The following CRPPA variants were observed in gnomAD, a reference collection of about 807,000 sequenced individuals.
CRPPA encodes the protein CDP-L-ribitol pyrophosphorylase A, also known as D-ribitol-5-phosphate cytidylyltransferase.
Under a neutral mutation model 52.0 loss-of-function variants are expected in CRPPA, and 43 were observed. That is an observed-to-expected ratio of 0.83 (90% CI 0.65 to 1.07). The LOEUF (loss-of-function observed/expected upper bound fraction) is 1.07, where lower values mean the gene tolerates loss of function less well. Ranked by LOEUF, CRPPA falls within the 50% of genes least tolerant of loss-of-function variation. The pLI is 0.00. For synonymous variants in CRPPA, 250 were observed against 203.5 expected (o/e 1.23, Z -1.94); for missense variants, 629 against 551.7 (o/e 1.14, Z -1.40).
chr7:16,104,273 C>G (rs1490575797), intron 9 of CRPPA, among the ~76,000 whole-genome samples: 1 of 152,146 alleles, frequency 6.6e-6, no homozygotes, highest in African/African-American at 2.4e-5. Flanking sequence ...TGGCAAAGCT[C>G]CCTCCCAGAA....
intron 9 of CRPPA, among the ~76,000 whole-genome samples, chr7:16,138,600 A>T (rs549022444): frequency 8.5e-5 from 13 of 152,318 alleles, no homozygotes; most frequent in African/African-American, 2.9e-4. Context: ...GCATAAAAAC[A>T]GGGAAAAAAT....
intron 9 of CRPPA, among the ~76,000 whole-genome samples, chr7:16,184,807 TTTTG>T (rs567048209): frequency 1.1e-3 from 172 of 152,334 alleles, no homozygotes; most frequent in African/African-American, 3.8e-3. Context: ...TTTGGTATAA[TTTTG>T]TTTGTTTATT....
intron 9 of CRPPA, among the ~76,000 whole-genome samples, chr7:16,214,216 T>C (rs1782240798): frequency 6.6e-6 from 1 of 152,182 alleles, no homozygotes; most frequent in Non-Finnish European, 1.5e-5. Context: ...AAAATTATTG[T>C]TTATGTGAAA....
At chr7:16,172,592 A>C (rs1781211921) in intron 9 of CRPPA, among the ~76,000 whole-genome samples, 1 of 152,198 alleles carries the variant, frequency 6.6e-6, no homozygotes, top group African/African-American at 2.4e-5. Flanking sequence ...TACATGAATA[A>C]AGACTTCTTA....
chr7:16,323,063 C>T (rs562290355), intron 3 of CRPPA, among the ~76,000 whole-genome samples: 64 of 152,124 alleles, frequency 4.2e-4, no homozygotes, highest in African/African-American at 1.4e-3. Flanking sequence ...CACCTGGTAC[C>T]GGCCTTGATA....
chr7:16,093,475 A>G (rs748203745), intron 9 of CRPPA, among the ~76,000 whole-genome samples: 21 of 152,166 alleles, frequency 1.4e-4, no homozygotes, highest in Admixed American at 2.0e-4. Flanking sequence ...GTGAGAGGCC[A>G]TCTCTGCTTA....
chr7:16,376,000 C>A, intron 3 of CRPPA, 92 bp downstream of exon 3: 1 of 1,224,916 alleles, frequency 8.2e-7, no homozygotes. Context: ...ACTATACGCT[C>A]AGTCCCATCA....
intron 9 of CRPPA, among the ~76,000 whole-genome samples, chr7:16,163,365 T>G (rs1162484036): frequency 2.6e-5 from 4 of 152,114 alleles, no homozygotes; most frequent in African/African-American, 9.7e-5. Flanking sequence ...TTCCATTTGC[T>G]TGGTAAATAT....
intron 9 of CRPPA, among the ~76,000 whole-genome samples, chr7:16,116,378 T>C (rs1019192123): frequency 3.9e-4 from 60 of 152,150 alleles, no homozygotes; most frequent in African/African-American, 1.3e-3. Context: ...AAAGAAAGAA[T>C]GAGTGGTCGG....
rs528868771 is a variant in CRPPA at position 16,281,767 on chromosome 7, G to C, written c.836-3541C>G. ...TAATAAAAATTCAGTATCTTAAATT[G>C]ATGAATGATTATTCACATTCTCTAT... On this transcript the variant is annotated intron_variant, in intron 5 of 9. Transcript: ENST00000407010. Among the ~76,000 whole-genome samples the C allele has an allele frequency of 2.6e-5, 4 of 152,256 alleles. No homozygotes were observed. The East Asian group carries it at 7.7e-4, about 29-fold the overall frequency.
chr7:16,327,091 G>C (rs1269615497), intron 3 of CRPPA, among the ~76,000 whole-genome samples: 1 of 152,036 alleles, frequency 6.6e-6, no homozygotes, highest in African/African-American at 2.4e-5. Flanking sequence ...TTTTCCCCAG[G>C]AGAGTAAAAA....
chr7:16,331,818 G>A (rs1785558794), intron 3 of CRPPA, among the ~76,000 whole-genome samples: 1 of 151,958 alleles, frequency 6.6e-6, no homozygotes, highest in African/African-American at 2.4e-5. Context: ...AGATAATGAA[G>A]ACCAAAAAAT....
chr7:16,333,693 G>A (rs1235016174), intron 3 of CRPPA, among the ~76,000 whole-genome samples: 1 of 152,116 alleles, frequency 6.6e-6, no homozygotes, highest in East Asian at 1.9e-4. Flanking sequence ...TAAAATGGAT[G>A]TAATGGATCT....
At chr7:16,336,834 A>G (rs1164589465) in intron 3 of CRPPA, among the ~76,000 whole-genome samples, 2 of 152,154 alleles carry the variant, frequency 1.3e-5, no homozygotes, top group African/African-American at 2.4e-5. Flanking sequence ...AAAGAGGGGT[A>G]GCAGGGTAGC....
chr7:16,398,769 C>G (rs187015633), intron 2 of CRPPA, among the ~76,000 whole-genome samples: 1 of 152,154 alleles, frequency 6.6e-6, no homozygotes, highest in Admixed American at 6.5e-5. Context: ...ACACGTGATA[C>G]GTGACTGACA....
In CRPPA at chr7:16,133,949, C is replaced by T. The variant is rs1782719850; in HGVS notation, c.1252-42150G>A. ...ATCCTTATGATTTTCTTTTTTTTTC[C>T]GAGATGGAGTCTCGCTCTGTTGCCC... is the stretch of plus-strand genomic sequence containing the variant. On this transcript the variant is annotated intron_variant, in intron 9 of 9. Transcript: ENST00000407010. Among the ~76,000 whole-genome samples, 3 of 122,516 alleles carry T rather than the reference C, an allele frequency of 2.4e-5. 1 individual carries two copies. The highest frequency in any genetic ancestry group is 8.1e-4 in the South Asian group (2 of 2,482). 80.4% of individuals were successfully genotyped at this position (122,516 alleles called of 152,430 possible).
At chr7:16,257,980 A>G (rs919759819) in intron 8 of CRPPA, among the ~76,000 whole-genome samples, 3 of 152,154 alleles carry the variant, frequency 2.0e-5, no homozygotes, top group Admixed American at 2.0e-4. Context: ...AGAGAAAATG[A>G]AACAACCCAA....
chr7:16,251,082 T>G (rs1187919062), intron 8 of CRPPA, among the ~76,000 whole-genome samples: 1 of 149,708 alleles, frequency 6.7e-6, no homozygotes, highest in Non-Finnish European at 1.5e-5. Flanking sequence ...GCAATCCTAG[T>G]CTCTGATAAA....
chr7:16,326,692 C>A (rs1450699086), intron 3 of CRPPA, among the ~76,000 whole-genome samples: 2 of 152,186 alleles, frequency 1.3e-5, no homozygotes, highest in African/African-American at 2.4e-5. Context: ...AATCCTATAG[C>A]ATTTGTTAAG....
Sources: gnomAD v4.1 joint callset for allele counts (sites outside exome capture counted in the v4.1 genomes callset) on GRCh38, gnomAD v4.1.1 for gene constraint, MANE v1.5 for transcripts, NCBI Gene and HGNC (gene_info 2026-07-23, HGNC 2026-07-21) for gene names.